Variants in AMDHD1 observed in about 807,000 individuals in gnomAD.
The protein encoded by AMDHD1 is amidohydrolase domain containing 1.
A neutral mutation model predicts 44.1 loss-of-function variants in AMDHD1; 45 were observed. The ratio of observed to expected loss-of-function variants is 1.02; its 90% confidence interval spans 0.80 to 1.31. AMDHD1 has a LOEUF of 1.31. AMDHD1 is among the 50% of genes most tolerant of loss of function. The pLI, the probability that AMDHD1 is intolerant of heterozygous loss-of-function variation, is 0.00. For synonymous variants in AMDHD1, 206 were observed against 205.0 expected (o/e 1.00, Z -0.04); for missense variants, 586 against 552.1 (o/e 1.06, Z -0.61).
At chr12:95,956,387 C>T (rs577564652) in intron 3 of AMDHD1, among the ~76,000 whole-genome samples, 1 of 152,288 alleles carries the variant, frequency 6.6e-6, no homozygotes, top group Admixed American at 6.5e-5. Flanking sequence ...GGATTACAGG[C>T]GTGAGCCACC....
intron 1 of AMDHD1, among the ~76,000 whole-genome samples, chr12:95,947,969 C>G (rs1470003858): frequency 3.9e-4 from 54 of 136,870 alleles, no homozygotes; most frequent in South Asian, 2.2e-3. Context: ...CGGCCAGCCG[C>G]CCTGTCCGGG....
At chr12:95,944,886 C>T (rs2080486935) in intron 1 of AMDHD1, among the ~76,000 whole-genome samples, 1 of 152,136 alleles carries the variant, frequency 6.6e-6, no homozygotes, top group Non-Finnish European at 1.5e-5. Flanking sequence ...GCAATCCCAG[C>T]ACTTTGGGAA....
intron 3 of AMDHD1, among the ~76,000 whole-genome samples, chr12:95,955,447 CAT>C (rs958417693): frequency 2.0e-5 from 3 of 151,806 alleles, no homozygotes; most frequent in East Asian, 1.9e-4. Flanking sequence ...GAGATTTTCA[CAT>C]GTGTTTTTTA....
Position 95,954,936 on chromosome 12 carries a change from A to G in AMDHD1, c.270A>G (p.Pro90=), listed in dbSNP as rs1343719366. 1 of 1,614,216 alleles carries G rather than the reference A, an allele frequency of 6.2e-7. No individual in the cohort carries two copies. The highest frequency in any genetic ancestry group is 1.7e-5 in the Admixed American group (1 of 60,030). ...GTTTGGTGGATGCACACACACATCC[A>G]GTATGGGCTGGTGAAAGAGTTCACG... is the stretch of plus-strand genomic sequence containing the variant. ...LPGLVDAHTH[P]VWAGERVHEF... The change falls in exon 3 of 9, where the codon CCA becomes CCG. Residue 90 remains proline (P), a synonymous_variant. Coordinates refer to ENST00000266736, the MANE Select transcript of AMDHD1 (RefSeq NM_152435.3).
chr12:95,951,395 C>T (rs977019807), intron 1 of AMDHD1, among the ~76,000 whole-genome samples: 8 of 152,188 alleles, frequency 5.3e-5, no homozygotes, highest in African/African-American at 1.4e-4. Flanking sequence ...CCAGTTCTAT[C>T]CATGTTGTTG....
rs1046835044 is a variant in AMDHD1 at position 95,967,905 on chromosome 12, G to A, written c.*62G>A. 9.4e-7 allele frequency: 1 copy of A among 1,066,152 alleles called. No homozygotes were observed. Among genetic ancestry groups the A allele is most frequent in the African/African-American group, 1.7e-5 (1 of 60,482 alleles). 66.0% of individuals were successfully genotyped at this position (1,066,152 alleles called of 1,614,324 possible). ...ATAAGTCAATATAGTTATATTAAAAGTTAAAACACCTTAATATTTACAAGA... is the reference window on the plus strand; with the variant it reads ...ATAAGTCAATATAGTTATATTAAAAATTAAAACACCTTAATATTTACAAGA... On this transcript the variant is annotated 3_prime_UTR_variant, in exon 9 of 9. Transcript: ENST00000266736.
chr12:95,960,670 C>A (rs373341997), intron 5 of AMDHD1, 47 bp downstream of exon 5: 2 of 1,557,598 alleles, frequency 1.3e-6, no homozygotes, highest in Non-Finnish European at 1.8e-6. Context: ...CATTCTTGCA[C>A]ATTCATGCTA....
At chr12:95,943,760 T>C (rs2080478388) in intron 1 of AMDHD1, among the ~76,000 whole-genome samples, 1 of 152,158 alleles carries the variant, frequency 6.6e-6, no homozygotes, top group African/African-American at 2.4e-5. Context: ...CGCATCAGGG[T>C]CCTGCCTCTG....
At chr12:95,953,031 G>A (rs1416712651) in intron 2 of AMDHD1, among the ~76,000 whole-genome samples, 1 of 152,154 alleles carries the variant, frequency 6.6e-6, no homozygotes, top group Admixed American at 6.5e-5. Flanking sequence ...CTGTGTGGGA[G>A]GTATCATTAT....
chr12:95,951,293 C>T (rs1258593347), intron 1 of AMDHD1, among the ~76,000 whole-genome samples: 1 of 152,110 alleles, frequency 6.6e-6, no homozygotes, highest in Non-Finnish European at 1.5e-5. Context: ...TCCATGAGCT[C>T]AATTGTTTTC....
intron 1 of AMDHD1, among the ~76,000 whole-genome samples, chr12:95,945,560 G>A (rs1216992440): frequency 6.6e-6 from 1 of 152,142 alleles, no homozygotes; most frequent in Admixed American, 6.5e-5. Flanking sequence ...AGTGTTTTCA[G>A]GGTGAATTAT....
intron 7 of AMDHD1, among the ~76,000 whole-genome samples, chr12:95,966,145 T>C (rs1356853859): frequency 2.6e-5 from 4 of 152,210 alleles, no homozygotes; most frequent in Non-Finnish European, 5.9e-5. Context: ...TCAATAAATA[T>C]TAAATACGCA....
intron 3 of AMDHD1, among the ~76,000 whole-genome samples, chr12:95,955,415 A>G (rs2080545013): frequency 6.6e-6 from 1 of 152,194 alleles, no homozygotes; most frequent in South Asian, 2.1e-4. Flanking sequence ...AGCTGTAACC[A>G]ACTCCTAAAT....
chr12:95,945,867 C>A (rs927312069), intron 1 of AMDHD1, among the ~76,000 whole-genome samples: 7 of 151,862 alleles, frequency 4.6e-5, no homozygotes, highest in Non-Finnish European at 1.0e-4. Flanking sequence ...AATAGTTAAT[C>A]CCCTATATGC....
At chr12:95,963,390 C>A (rs2080592710) in intron 6 of AMDHD1, among the ~76,000 whole-genome samples, 1 of 135,750 alleles carries the variant, frequency 7.4e-6, no homozygotes, top group African/African-American at 2.5e-5. Context: ...CACAGAACAG[C>A]TCCCAAAACA....
At position 95,965,783 on chromosome 12, in the gene AMDHD1, A is replaced by C. The variant is rs2080607269; in HGVS notation, c.1032+4A>C. ...CAATGCATATTGCTTTTCAATGGTA[A>C]TTATTTTTTTCATGTACCTTTCTGA... On this transcript the variant is annotated splice_donor_region_variant and intron_variant, in intron 7 of 8. Coordinates refer to ENST00000266736, the MANE Select transcript of AMDHD1 (RefSeq NM_152435.3). 6.3e-7 allele frequency: 1 copy of C among 1,594,682 alleles called. No homozygotes were observed. Among genetic ancestry groups the C allele is most frequent in the Admixed American group, 1.7e-5 (1 of 58,098 alleles).
At chr12:95,952,213 T>G (rs1262719626) in intron 1 of AMDHD1, among the ~76,000 whole-genome samples, 1 of 152,224 alleles carries the variant, frequency 6.6e-6, no homozygotes, top group Non-Finnish European at 1.5e-5. Context: ...TTTCATAGTT[T>G]AAGTTCTTAG....
In AMDHD1 at chr12:95,967,818, A is replaced by C; in HGVS notation, c.1256A>C (p.Lys419Thr). 6.2e-7 allele frequency: 1 copy of C among 1,600,198 alleles called. No homozygotes were observed. The highest frequency in any genetic ancestry group is 1.1e-5 in the South Asian group (1 of 87,360). ...GAATTAATTGAATATGTTATAGCTA[A>C]AGGAAAACTCATCTATAAAACATGA... ...HHELIEYVIA[K>T]GKLIYKT The change falls in exon 9 of 9, where the codon AAA becomes ACA. Residue 419 changes from lysine to threonine, a missense_variant. Physicochemically the swap from Lys to Thr is moderately conservative, Grantham distance 78. Coordinates refer to ENST00000266736, the MANE Select transcript of AMDHD1 (RefSeq NM_152435.3).
intron 3 of AMDHD1, 42 bp from the exon 4 acceptor site, chr12:95,956,643 C>T (rs540496571): frequency 3.1e-6 from 5 of 1,600,942 alleles, no homozygotes; most frequent in South Asian, 1.1e-5. Context: ...CTCCCTGCAA[C>T]TTCCTGGCAT....
Sources: gnomAD v4.1 joint callset for allele counts (sites outside exome capture counted in the v4.1 genomes callset) on GRCh38, gnomAD v4.1.1 for gene constraint, MANE v1.5 for transcripts, NCBI Gene and HGNC (gene_info 2026-07-23, HGNC 2026-07-21) for gene names.